The following ATXN7L1 variants were observed in gnomAD, a reference collection of about 807,000 sequenced individuals.
The protein encoded by ATXN7L1 is ataxin-7-like protein 1.
Under a neutral mutation model 70.8 loss-of-function variants are expected in ATXN7L1, and 15 were observed. The ratio of observed to expected loss-of-function variants is 0.21; its 90% CI spans 0.14 to 0.33. The LOEUF is 0.33. ATXN7L1 is among the 10% of genes least tolerant of loss of function. ATXN7L1 has a pLI of 1.00. For missense variants in ATXN7L1, 975 were observed against 1,097.1 expected (o/e 0.89, Z 1.57); for synonymous variants, 440 against 445.1 (o/e 0.99, Z 0.14).
intron 2 of ATXN7L1, chr7:105,819,967 A>C: frequency 2.1e-6 from 1 of 481,092 alleles, no homozygotes; most frequent in Non-Finnish European, 4.1e-6. Context: ...GAAGGAGAAG[A>C]GGAAGGAGAA....
intron 2 of ATXN7L1, among the ~76,000 whole-genome samples, chr7:105,851,648 C>A (rs1052966825): frequency 6.6e-6 from 1 of 152,180 alleles, no homozygotes; most frequent in African/African-American, 2.4e-5. Context: ...ATGTGGCTCA[C>A]CCCCTTGTTA....
chr7:105,759,868 C>A (rs570951943), intron 3 of ATXN7L1, among the ~76,000 whole-genome samples: 11 of 152,140 alleles, frequency 7.2e-5, no homozygotes, highest in African/African-American at 2.4e-4. Flanking sequence ...TTCCGCCCCC[C>A]CCAAAGATAG....
At chr7:105,773,105 T>C (rs1278042883) in intron 3 of ATXN7L1, among the ~76,000 whole-genome samples, 1 of 152,228 alleles carries the variant, frequency 6.6e-6, no homozygotes, top group Non-Finnish European at 1.5e-5. Context: ...AATTACCATC[T>C]GGCAGTGGTG....
intron 3 of ATXN7L1, among the ~76,000 whole-genome samples, chr7:105,737,479 T>C (rs1489875660): frequency 6.6e-6 from 1 of 152,032 alleles, no homozygotes; most frequent in African/African-American, 2.4e-5. Flanking sequence ...AATTTGCCAT[T>C]AGGTCACATA....
intron 3 of ATXN7L1, among the ~76,000 whole-genome samples, chr7:105,781,483 C>T (rs1251178792): frequency 6.6e-6 from 1 of 152,226 alleles, no homozygotes; most frequent in Non-Finnish European, 1.5e-5. Context: ...ACACACAGAG[C>T]ATCATCCTCT....
chr7:105,614,179 G>A lies in ATXN7L1; in HGVS notation c.2155C>T (p.Arg719Trp), dbSNP rs758475692. ...PLSAKLEPSG[R>W]TSLPGGPADI... Reference sequence around the variant, plus strand: ...GCGGGGCCGCCGGGCAGCGAGGTCCGTCCTGAGGGCTCCAGTTTGGCACTG... The same window carrying A: ...GCGGGGCCGCCGGGCAGCGAGGTCCATCCTGAGGGCTCCAGTTTGGCACTG... Residue 719 changes from arginine to tryptophan, a missense_variant, in exon 10 of 12, where the codon CGG becomes TGG. Arg to Trp is a moderately radical substitution (Grantham distance 101). Coordinates refer to ENST00000419735, the MANE Select transcript of ATXN7L1 (RefSeq NM_020725.2). This position sits in a 1 kb window ranked among gnomAD's most constrained non-coding sequence, Gnocchi z 4.3. The A allele has an allele frequency of 6.3e-5, 97 of 1,551,568 alleles. No homozygotes were observed. The highest frequency in any genetic ancestry group is 8.0e-5 in the Non-Finnish European group (92 of 1,147,012).
intron 3 of ATXN7L1, among the ~76,000 whole-genome samples, chr7:105,727,999 A>T (rs936133977): frequency 1.1e-4 from 17 of 151,828 alleles, no homozygotes; most frequent in African/African-American, 3.9e-4. Context: ...TAATGTAAAA[A>T]TTATTTTTAA....
intron 3 of ATXN7L1, among the ~76,000 whole-genome samples, chr7:105,764,150 G>A (rs775130064): frequency 1.3e-5 from 2 of 152,018 alleles, no homozygotes; most frequent in Non-Finnish European, 2.9e-5. Context: ...CATGGTGCCC[G>A]GCTGTAGTTT....
Position 105,614,491 on chromosome 7 carries a change from A to G in ATXN7L1, c.1843T>C (p.Ser615Pro), listed in dbSNP as rs1462432634. ...GTTTTGGTTTTGGATGGCTTGTGGG[A>G]TGGGGAAGGGATGACGGCTGGTATC... is the stretch of plus-strand genomic sequence containing the variant. Reference protein sequence around the residue: ...SPIPAVIPSPSHKPSKTKTSK... With the variant: ...SPIPAVIPSPPHKPSKTKTSK... Residue 615 changes from serine (S) to proline (P), a missense_variant, in exon 10 of 12, where the codon TCC (serine) becomes CCC (proline). Ser to Pro is a moderately conservative substitution (Grantham distance 74). Around this residue, in one of 5 missense-constraint regions of ATXN7L1, gnomAD observed 635 missense variants for 699.4 expected, o/e 0.91. Transcript: ENST00000419735. The surrounding 1 kb of genome is among the most constrained non-coding windows in gnomAD (Gnocchi z 4.3). 2 of 1,533,990 alleles carry G rather than the reference A, an allele frequency of 1.3e-6. No homozygotes were observed. The highest frequency in any genetic ancestry group is 2.0e-5 in the Admixed American group (1 of 49,616).
At chr7:105,830,045 G>C (rs1170548261) in intron 2 of ATXN7L1, among the ~76,000 whole-genome samples, 1 of 152,146 alleles carries the variant, frequency 6.6e-6, no homozygotes, top group Non-Finnish European at 1.5e-5. Context: ...GCTAATAGTG[G>C]TAGATGTTAC....
chr7:105,723,346 A>T (rs1235335962), intron 3 of ATXN7L1, among the ~76,000 whole-genome samples: 1 of 152,222 alleles, frequency 6.6e-6, no homozygotes, highest in Non-Finnish European at 1.5e-5. Context: ...ATGTGAATAC[A>T]TATCAAGCGC....
intron 3 of ATXN7L1, chr7:105,691,746 C>G (rs514042): frequency 0.26 from 38,936 of 151,374 alleles, 5,524 homozygotes; most frequent in African/African-American, 0.37. Context: ...ACAACAAAAG[C>G]CCAGCCCCAA....
chr7:105,815,973 T>C (rs1181708256), intron 2 of ATXN7L1, among the ~76,000 whole-genome samples: 1 of 152,222 alleles, frequency 6.6e-6, no homozygotes, highest in Admixed American at 6.5e-5. Context: ...CAAAAAGTTA[T>C]GTAAGAAAGG....
At chr7:105,619,202 C>T (rs1794435313) in intron 9 of ATXN7L1, among the ~76,000 whole-genome samples, 2 of 114,712 alleles carry the variant, frequency 1.7e-5, no homozygotes, top group South Asian at 6.0e-4. Context: ...GGGTGGAGTG[C>T]AGTGGTATGA....
intron 3 of ATXN7L1, among the ~76,000 whole-genome samples, chr7:105,763,301 C>T (rs1800782195): frequency 6.6e-6 from 1 of 152,214 alleles, no homozygotes; most frequent in Non-Finnish European, 1.5e-5. Flanking sequence ...TGACCCATCC[C>T]TCTGTGTCCA....
At position 105,744,065 on chromosome 7, in the gene ATXN7L1, T is replaced by A. The variant is rs558632942; in HGVS notation, c.355+44539A>T. On this transcript the variant is annotated intron_variant, in intron 3 of 11. Coordinates refer to ENST00000419735, the MANE Select transcript of ATXN7L1 (RefSeq NM_020725.2). The stretch of plus-strand genomic sequence containing the variant: ...TTCAATGCCCAGTTCTCTCTCTAAA[T>A]GGCTGTGCTCCTTGTGCCTCAGTTT... Among the ~76,000 whole-genome samples the A allele has an allele frequency of 9.2e-5, 14 of 152,266 alleles. 1 individual carries two copies. The highest frequency in any genetic ancestry group is 9.2e-4 in the Admixed American group (14 of 15,298).
intron 3 of ATXN7L1, among the ~76,000 whole-genome samples, chr7:105,677,700 T>C (rs998188756): frequency 2.0e-5 from 3 of 152,168 alleles, no homozygotes; most frequent in Non-Finnish European, 4.4e-5. Flanking sequence ...CACACACAGG[T>C]AGTAGCTTTC....
intron 2 of ATXN7L1, among the ~76,000 whole-genome samples, chr7:105,825,019 A>T (rs1174367693): frequency 1.3e-5 from 2 of 152,176 alleles, no homozygotes; most frequent in East Asian, 3.8e-4. Flanking sequence ...AGATCCTAAA[A>T]GCTTTCAGAG....
chr7:105,829,603 C>G (rs1348646071), intron 2 of ATXN7L1, among the ~76,000 whole-genome samples: 4 of 151,926 alleles, frequency 2.6e-5, no homozygotes, highest in East Asian at 3.9e-4. Context: ...AAAACACCCA[C>G]AAATATACAC....
Sources: gnomAD v4.1 joint callset for allele counts (sites outside exome capture counted in the v4.1 genomes callset) on GRCh38, gnomAD v4.1.1 for gene constraint, gnomAD v4.1.1 regional missense constraint, Gnocchi (gnomAD v3.1) non-coding constraint, MANE v1.5 for transcripts, NCBI Gene and HGNC (gene_info 2026-07-23, HGNC 2026-07-21) for gene names.